Variants in GPHN observed in about 807,000 individuals in gnomAD.
The protein encoded by GPHN is gephyrin.
Under a neutral mutation model 95.5 loss-of-function variants are expected in GPHN, and 17 were observed. The ratio of observed to expected loss-of-function variants is 0.18; its 90% confidence interval spans 0.12 to 0.27. GPHN has a LOEUF of 0.27. Ranked by LOEUF, GPHN falls within the 10% of genes least tolerant of loss-of-function variation. The pLI is 1.00. For missense variants in GPHN, 660 were observed against 978.1 expected, an observed-to-expected ratio of 0.67 and a Z score of 4.34; for synonymous variants, 320 against 322.5, an observed-to-expected ratio of 0.99 and a Z score of 0.08.
chr14:67,590,157 G>T, the GPHN span: 7 of 1,550,846 alleles, frequency 4.5e-6, no homozygotes, highest in Non-Finnish European at 6.1e-6. Flanking sequence ...AAGCAGTCCA[G>T]CCGGGGCTTG....
chr14:67,046,104 A>G (rs2153639168), intron 10 of GPHN, among the ~76,000 whole-genome samples: 1 of 151,898 alleles, frequency 6.6e-6, no homozygotes, highest in African/African-American at 2.4e-5. Flanking sequence ...AATTTATTTA[A>G]ATCATTTTTA....
At chr14:66,822,717 CTTAATG>C (rs1404937249) in intron 3 of GPHN, among the ~76,000 whole-genome samples, 3 of 152,158 alleles carry the variant, frequency 2.0e-5, no homozygotes, top group African/African-American at 4.8e-5. Context: ...TGAATACCCT[CTTAATG>C]TTAATACTGA....
chr14:67,620,178 C>T, the GPHN span: 1 of 870,858 alleles, frequency 1.1e-6, no homozygotes, highest in Non-Finnish European at 1.7e-6. Context: ...GACCGGGAGG[C>T]GAGGAGAGGA....
chr14:67,296,149 T>G, the GPHN span, among the ~76,000 whole-genome samples: 3 of 151,856 alleles, frequency 2.0e-5, no homozygotes, highest in Admixed American at 2.0e-4. Flanking sequence ...AGAAGGAAAT[T>G]TAATTTGCTG....
At chr14:67,465,393 G>A in the GPHN span, among the ~76,000 whole-genome samples, 11 of 132,592 alleles carry the variant, frequency 8.3e-5, no homozygotes, top group African/African-American at 2.5e-4. Flanking sequence ...GGGCAGAGGC[G>A]AGAAATGAGG....
At chr14:67,279,408 G>T in the GPHN span, 1 of 1,613,960 alleles carries the variant, frequency 6.2e-7, no homozygotes, top group East Asian at 2.2e-5. Flanking sequence ...GCAAGAACTT[G>T]ACCTTAATTC....
the GPHN span, among the ~76,000 whole-genome samples, chr14:67,326,303 T>C: frequency 3.0e-5 from 4 of 134,478 alleles, no homozygotes; most frequent in African/African-American, 1.1e-4. Flanking sequence ...TGCTGTGGCA[T>C]GATCATAGCC....
intron 1 of GPHN, among the ~76,000 whole-genome samples, chr14:66,658,055 G>A (rs1432418347): frequency 2.0e-5 from 3 of 152,160 alleles, no homozygotes; most frequent in African/African-American, 7.2e-5. Flanking sequence ...TTCATGGAGG[G>A]AGTTCAAAAT....
chr14:67,397,834 C>T, the GPHN span: 10 of 1,603,408 alleles, frequency 6.2e-6, no homozygotes, highest in Non-Finnish European at 8.5e-6. Context: ...GCCCTATGGA[C>T]AGACAAGAAA....
At chr14:67,099,817 T>C (rs1673716777) in intron 12 of GPHN, among the ~76,000 whole-genome samples, 1 of 152,136 alleles carries the variant, frequency 6.6e-6, no homozygotes, top group Non-Finnish European at 1.5e-5. Context: ...ATTATTAGTA[T>C]GATTATAAAT....
intron 2 of GPHN, among the ~76,000 whole-genome samples, chr14:66,770,860 T>TTAAA (rs147653087): frequency 0.31 from 46,373 of 151,888 alleles, 11,646 homozygotes; most frequent in African/African-American, 0.67. Context: ...TGTTAATAAT[T>TTAAA]AAGTAAAGTT....
intron 9 of GPHN, among the ~76,000 whole-genome samples, chr14:67,000,557 C>G (rs901910733): frequency 6.6e-6 from 1 of 151,548 alleles, no homozygotes; most frequent in African/African-American, 2.4e-5. Flanking sequence ...CTTTCATTCA[C>G]ATGTATTATT....
intron 2 of GPHN, among the ~76,000 whole-genome samples, chr14:66,692,044 G>A (rs189762099): frequency 1.3e-5 from 2 of 152,268 alleles, no homozygotes; most frequent in Admixed American, 6.5e-5. Context: ...GTGAGCAAAT[G>A]TTTGTTTTTC....
the GPHN span, among the ~76,000 whole-genome samples, chr14:67,282,088 CTG>C: frequency 6.6e-6 from 1 of 152,060 alleles, no homozygotes; most frequent in South Asian, 2.1e-4. Context: ...ACACAGATAT[CTG>C]TTATGTAAGA....
At chr14:67,408,059 G>T in the GPHN span, among the ~76,000 whole-genome samples, 1 of 152,012 alleles carries the variant, frequency 6.6e-6, no homozygotes, top group African/African-American at 2.4e-5. Context: ...AGGCCAGGTG[G>T]GTGGATCACC....
Position 66,668,170 on chromosome 14 carries a change from A to G in GPHN, c.65-12937A>G, listed in dbSNP as rs567841554. ...GAGGTTGTGGATAAAAGGAAGGCTT[A>G]TACACTCTTGGTAGGAGTGTAAATT... On this transcript the variant is annotated intron_variant, in intron 1 of 22. Coordinates refer to ENST00000478722, the MANE Select transcript of GPHN (RefSeq NM_020806.5). 1.2e-4 allele frequency among the ~76,000 whole-genome samples: 18 copies of G among 152,342 alleles called. 1 individual carries two copies. The South Asian group carries it at 3.7e-3, about 32-fold the overall frequency.
the GPHN span, among the ~76,000 whole-genome samples, chr14:67,697,187 G>A: frequency 2.6e-5 from 4 of 152,220 alleles, no homozygotes; most frequent in African/African-American, 9.6e-5. Flanking sequence ...TGGACTGTCA[G>A]AGAAGACCTT....
At chr14:66,521,900 A>G (rs2058498339) in intron 1 of GPHN, among the ~76,000 whole-genome samples, 1 of 152,170 alleles carries the variant, frequency 6.6e-6, no homozygotes, top group Admixed American at 6.5e-5. Flanking sequence ...GAGCAAGCAG[A>G]CAACTTTTTT....
intron 1 of GPHN, among the ~76,000 whole-genome samples, chr14:66,646,255 T>C (rs2064737809): frequency 6.6e-6 from 1 of 152,052 alleles, no homozygotes; most frequent in Non-Finnish European, 1.5e-5. Context: ...CAGTGAGATA[T>C]TACCTCACAC....
Sources: allele counts gnomAD v4.1 joint callset (sites outside exome capture counted in the v4.1 genomes callset), GRCh38; gene constraint gnomAD v4.1.1; transcripts MANE v1.5; gene names NCBI Gene and HGNC (gene_info 2026-07-23, HGNC 2026-07-21).